Variants in QKI observed in about 807,000 individuals in gnomAD.
The protein encoded by QKI is QKI, KH domain containing RNA binding, also known as KH domain-containing RNA-binding protein QKI.
A neutral mutation model predicts 39.0 loss-of-function variants in QKI; 10 were observed. The observed-to-expected ratio is 0.26, with a 90% CI of 0.16 to 0.43. The LOEUF (loss-of-function observed/expected upper bound fraction) is 0.43, where lower values mean the gene tolerates loss of function less well. QKI is among the 20% of genes least tolerant of loss of function. The pLI is 1.00. For missense variants in QKI, 218 were observed against 428.0 expected (o/e 0.51, Z 4.33); for synonymous variants, 204 against 155.4 (o/e 1.31, Z -2.33).
At chr6:163,520,585 A>C (rs73246620) in intron 3 of QKI, among the ~76,000 whole-genome samples, 2,990 of 152,242 alleles carry the variant, frequency 0.02, 94 homozygotes, top group African/African-American at 0.068. Context: ...CTTGACTACC[A>C]CCTATTAGCT....
intron 1 of QKI, among the ~76,000 whole-genome samples, chr6:163,422,708 A>G (rs564994472): frequency 1.3e-5 from 2 of 152,334 alleles, no homozygotes; most frequent in South Asian, 2.1e-4. Flanking sequence ...CATGCAGTGA[A>G]TGTGAGCTGG....
intron 7 of QKI, 119 bp downstream of exon 7, chr6:163,566,914 T>C: frequency 2.7e-6 from 4 of 1,465,614 alleles, no homozygotes. Flanking sequence ...TTTTTCCTTT[T>C]CTAAATTTGT....
At chr6:163,504,388 T>C (rs1778969910) in intron 3 of QKI, among the ~76,000 whole-genome samples, 1 of 152,210 alleles carries the variant, frequency 6.6e-6, no homozygotes, top group African/African-American at 2.4e-5. Flanking sequence ...TTTCTAATTC[T>C]GTGATAAGTG....
chr6:163,479,516 C>T (rs559023887), intron 3 of QKI, among the ~76,000 whole-genome samples: 24 of 152,160 alleles, frequency 1.6e-4, no homozygotes, highest in Middle Eastern at 6.8e-3. Flanking sequence ...GGATTACAGG[C>T]GCACGCCGCC....
At chr6:163,556,879 G>A (rs1378669341) in intron 4 of QKI, among the ~76,000 whole-genome samples, 2 of 152,136 alleles carry the variant, frequency 1.3e-5, no homozygotes, top group African/African-American at 2.4e-5. Context: ...CATTTCAAAA[G>A]TAAAGACATT....
chr6:163,494,227 T>G (rs1019838183), intron 3 of QKI, among the ~76,000 whole-genome samples: 13 of 152,236 alleles, frequency 8.5e-5, no homozygotes, highest in Non-Finnish European at 1.6e-4. Flanking sequence ...TGCGTTGTAT[T>G]CAGTATTTTA....
rs1211863045 is a variant in QKI, at chr6:163,573,466, A to G, written c.*2756A>G. On this transcript the variant is annotated 3_prime_UTR_variant, in exon 8 of 8. Transcript: ENST00000361752. ...GAAACATGTAAGATAATGTATTTAC[A>G]GCCATTGTTACAAGTTTATAATGTA... 1 of 152,190 alleles carries G rather than the reference A, an allele frequency of 6.6e-6. No individual in the cohort carries two copies. Among genetic ancestry groups the G allele is most frequent in the Non-Finnish European group, 1.5e-5 (1 of 68,032 alleles). The allele number at this position is 152,190 out of a possible 1,614,324, so 9.4% of individuals were successfully genotyped here. A position where few individuals can be genotyped will look rare whatever the true frequency, so the allele number is the denominator to read the frequency against.
chr6:163,553,046 CTTTT>C (rs991718758), intron 4 of QKI, among the ~76,000 whole-genome samples: 3 of 135,066 alleles, frequency 2.2e-5, no homozygotes, highest in African/African-American at 8.1e-5. Flanking sequence ...TTTTCAGGTT[CTTTT>C]TTTTTTTTAA....
At chr6:163,459,916 A>G (rs924028562) in intron 2 of QKI, among the ~76,000 whole-genome samples, 71 of 152,340 alleles carry the variant, frequency 4.7e-4, no homozygotes, top group African/African-American at 1.6e-3. Context: ...TTCTTGTTTG[A>G]ATCCATGGAG....
At chr6:163,481,745 G>A (rs1306019904) in intron 3 of QKI, among the ~76,000 whole-genome samples, 1 of 152,094 alleles carries the variant, frequency 6.6e-6, no homozygotes, top group Middle Eastern at 3.2e-3. Context: ...AATACCCAGT[G>A]GAATGGTACT....
At chr6:163,534,167 A>T (rs1158720542) in intron 3 of QKI, among the ~76,000 whole-genome samples, 2 of 152,178 alleles carry the variant, frequency 1.3e-5, no homozygotes, top group African/African-American at 4.8e-5. Context: ...AACTCTACTT[A>T]ACCTCCCTGT....
At chr6:163,433,552 G>A (rs1227548155) in intron 1 of QKI, among the ~76,000 whole-genome samples, 1 of 152,166 alleles carries the variant, frequency 6.6e-6, no homozygotes, top group Non-Finnish European at 1.5e-5. Flanking sequence ...AGATCACGAG[G>A]TCAGGAGTTT....
chr6:163,460,318 A>G (rs1307700544), intron 2 of QKI, among the ~76,000 whole-genome samples: 1 of 152,174 alleles, frequency 6.6e-6, no homozygotes, highest in Non-Finnish European at 1.5e-5. Flanking sequence ...GAATACCCAT[A>G]TTGTCAAAGG....
chr6:163,417,913 T>C (rs752570325), intron 1 of QKI, among the ~76,000 whole-genome samples: 4 of 152,210 alleles, frequency 2.6e-5, no homozygotes, highest in Admixed American at 2.6e-4. Flanking sequence ...CGGCTTCCTG[T>C]AATTGTTAGC....
Position 163,444,341 on chromosome 6 carries a change from G to A in QKI, c.143-10938G>A, listed in dbSNP as rs538801782. On this transcript the variant is annotated intron_variant, in intron 1 of 7. Coordinates refer to ENST00000361752, the MANE Select transcript of QKI (RefSeq NM_006775.3). ...GAGACCCAGAAGGTTCAGTTTGAAG[G>A]CACACAGCTCAGCTAAATCATGCTG... 2.0e-4 allele frequency among the ~76,000 whole-genome samples: 31 copies of A among 152,294 alleles called. No homozygotes were observed. The South Asian group carries it at 6.0e-3, about 30-fold the overall frequency.
chr6:163,440,842 A>C (rs1789711950), intron 1 of QKI, among the ~76,000 whole-genome samples: 1 of 151,928 alleles, frequency 6.6e-6, no homozygotes, highest in African/African-American at 2.4e-5. Flanking sequence ...ATACGAAAAA[A>C]ATCATTATAT....
intron 3 of QKI, among the ~76,000 whole-genome samples, chr6:163,530,959 A>G (rs1269862545): frequency 6.6e-6 from 1 of 151,974 alleles, no homozygotes; most frequent in Non-Finnish European, 1.5e-5. Flanking sequence ...TGGTAGTTGG[A>G]CATCGTCATT....
At chr6:163,493,952 A>G (rs1225354593) in intron 3 of QKI, among the ~76,000 whole-genome samples, 1 of 151,738 alleles carries the variant, frequency 6.6e-6, no homozygotes. Flanking sequence ...GTAAACCCCC[A>G]CTTTGTATTT....
At chr6:163,542,173 A>G (rs2294700) in intron 4 of QKI, among the ~76,000 whole-genome samples, 1 of 152,030 alleles carries the variant, frequency 6.6e-6, no homozygotes, top group Non-Finnish European at 1.5e-5. Context: ...AAAAAATAAT[A>G]TATATAAAAC....
Sources: allele counts gnomAD v4.1 joint callset (sites outside exome capture counted in the v4.1 genomes callset), GRCh38; gene constraint gnomAD v4.1.1; transcripts MANE v1.5; gene names NCBI Gene and HGNC (gene_info 2026-07-23, HGNC 2026-07-21).